DOCK3: variants seen among roughly 807,000 people sequenced by gnomAD.
DOCK3 encodes dedicator of cytokinesis protein 3.
A neutral mutation model predicts 265.6 loss-of-function variants in DOCK3; 60 were observed. The observed-to-expected ratio is 0.23, with a 90% confidence interval of 0.18 to 0.28. The LOEUF is 0.28. Ranked by LOEUF, DOCK3 falls within the 10% of genes least tolerant of loss-of-function variation. The pLI is 1.00. For missense variants in DOCK3, 1,981 were observed against 2,594.3 expected, an observed-to-expected ratio of 0.76 and a Z score of 5.14; for synonymous variants, 881 against 938.0, an observed-to-expected ratio of 0.94 and a Z score of 1.11.
At chr3:50,837,885 T>C (rs1303970101) in intron 2 of DOCK3, among the ~76,000 whole-genome samples, 2 of 152,106 alleles carry the variant, frequency 1.3e-5, no homozygotes, top group South Asian at 4.1e-4. Flanking sequence ...GAGACTATTA[T>C]GGCTGCAGTG....
At position 51,361,830 on chromosome 3, in the gene DOCK3, T is replaced by C. The variant is rs370185012; in HGVS notation, c.5007-29T>C. The C allele has an allele frequency of 2.5e-5, 40 of 1,607,284 alleles. No individual in the cohort carries two copies. In the African/African-American group the frequency reaches 3.6e-4, roughly 14 times the overall value. ...CCCTGCCACCTGCCATGGGCCTGAC[T>C]CCTCCCTATTTCCCACTCTTGCTCA... On this transcript the variant is annotated intron_variant, in intron 47 of 52. Coordinates refer to ENST00000266037, the MANE Select transcript of DOCK3 (RefSeq NM_004947.5). This position sits in a 1 kb window ranked among gnomAD's most constrained non-coding sequence, Gnocchi z 4.2.
At chr3:51,035,739 T>C (rs2080239969) in intron 5 of DOCK3, among the ~76,000 whole-genome samples, 1 of 152,202 alleles carries the variant, frequency 6.6e-6, no homozygotes, top group African/African-American at 2.4e-5. Context: ...TTAATTTGGC[T>C]AGACTGAAGC....
intron 12 of DOCK3, among the ~76,000 whole-genome samples, chr3:51,179,932 A>G (rs745856934): frequency 6.6e-6 from 1 of 151,822 alleles, no homozygotes; most frequent in Non-Finnish European, 1.5e-5. Flanking sequence ...GGGCCGGCGG[A>G]CGCGGTGTCT....
chr3:51,299,746 A>G (rs1231764606), intron 27 of DOCK3, among the ~76,000 whole-genome samples: 1 of 152,026 alleles, frequency 6.6e-6, no homozygotes, highest in African/African-American at 2.4e-5. Context: ...TATTTCTGAG[A>G]TCGCTATTCT....
At chr3:51,190,193 C>A (rs996394217) in intron 12 of DOCK3, among the ~76,000 whole-genome samples, 5 of 152,194 alleles carry the variant, frequency 3.3e-5, no homozygotes, top group African/African-American at 1.2e-4. Flanking sequence ...TGTACTCCCC[C>A]TTTCCATAAG....
intron 4 of DOCK3, among the ~76,000 whole-genome samples, chr3:50,931,172 T>C (rs925480503): frequency 2.6e-5 from 4 of 152,210 alleles, no homozygotes; most frequent in African/African-American, 9.7e-5. Context: ...ATCTTTAATA[T>C]GCCTTGCTCA....
At chr3:50,711,541 C>T (rs920776709) in intron 1 of DOCK3, among the ~76,000 whole-genome samples, 4 of 152,216 alleles carry the variant, frequency 2.6e-5, no homozygotes, top group Non-Finnish European at 4.4e-5. Context: ...GGATTACAGG[C>T]GTGAACCACC....
chr3:51,025,957 T>C (rs1285868347), intron 5 of DOCK3, among the ~76,000 whole-genome samples: 1 of 152,142 alleles, frequency 6.6e-6, no homozygotes, highest in Non-Finnish European at 1.5e-5. Flanking sequence ...GTTTTTCACC[T>C]GTCTCATGGA....
At chr3:51,036,438 G>A (rs1376017479) in intron 5 of DOCK3, among the ~76,000 whole-genome samples, 2 of 152,192 alleles carry the variant, frequency 1.3e-5, no homozygotes, top group African/African-American at 4.8e-5. Flanking sequence ...CTGACAGTCT[G>A]AGAGATGATT....
At chr3:51,248,139 T>A (rs2078926476) in intron 22 of DOCK3, among the ~76,000 whole-genome samples, 1 of 152,232 alleles carries the variant, frequency 6.6e-6, no homozygotes, top group African/African-American at 2.4e-5. Context: ...GGCTTCATAG[T>A]ACTTTCATTC....
chr3:51,005,985 C>T (rs1386225934), intron 5 of DOCK3, among the ~76,000 whole-genome samples: 1 of 152,150 alleles, frequency 6.6e-6, no homozygotes, highest in African/African-American at 2.4e-5. Flanking sequence ...GTATTTCCTG[C>T]TTTCTCTTCT....
chr3:51,148,569 A>G (rs1014488120), intron 10 of DOCK3, among the ~76,000 whole-genome samples: 2 of 152,230 alleles, frequency 1.3e-5, no homozygotes, highest in Admixed American at 6.5e-5. Flanking sequence ...ATGGCTAGCC[A>G]GTTTTCCCAG....
intron 9 of DOCK3, among the ~76,000 whole-genome samples, chr3:51,101,870 C>T (rs190317663): frequency 3.9e-4 from 59 of 152,302 alleles, no homozygotes; most frequent in African/African-American, 1.3e-3. Flanking sequence ...AGTCACTTCC[C>T]CTCTGATCCC....
intron 40 of DOCK3, among the ~76,000 whole-genome samples, chr3:51,353,305 C>G (rs1380031026): frequency 6.6e-6 from 1 of 152,178 alleles, no homozygotes; most frequent in Non-Finnish European, 1.5e-5. Context: ...CCCTTCCATT[C>G]TGATTCATCC....
chr3:50,981,966 C>T (rs963340794), intron 5 of DOCK3, among the ~76,000 whole-genome samples: 10 of 152,180 alleles, frequency 6.6e-5, no homozygotes, highest in Non-Finnish European at 7.3e-5. Context: ...TCTCCTGTCT[C>T]AGCTTCCCAG....
At chr3:51,325,141 A>G (rs2109855464) in intron 32 of DOCK3, among the ~76,000 whole-genome samples, 1 of 152,298 alleles carries the variant, frequency 6.6e-6, no homozygotes, top group African/African-American at 2.4e-5. Flanking sequence ...AACCTACAGA[A>G]TAGGAGAAAA....
intron 27 of DOCK3, among the ~76,000 whole-genome samples, chr3:51,281,280 T>A (rs1410974261): frequency 8.4e-6 from 1 of 118,540 alleles, no homozygotes; most frequent in Admixed American, 1.2e-4. Context: ...CTAAAATATA[T>A]ATATATATAT....
intron 3 of DOCK3, among the ~76,000 whole-genome samples, chr3:50,845,208 A>G (rs1482164724): frequency 6.6e-6 from 1 of 152,174 alleles, no homozygotes; most frequent in Non-Finnish European, 1.5e-5. Flanking sequence ...CTCTGTCTCA[A>G]AAAAAACCAA....
At chr3:51,128,058 A>G (rs903896063) in intron 9 of DOCK3, among the ~76,000 whole-genome samples, 1 of 152,218 alleles carries the variant, frequency 6.6e-6, no homozygotes, top group Non-Finnish European at 1.5e-5. Context: ...GGAGGATCCC[A>G]AAGTGTCCAG....
Sources: gnomAD v4.1 joint callset for allele counts (sites outside exome capture counted in the v4.1 genomes callset) on GRCh38, gnomAD v4.1.1 for gene constraint, Gnocchi (gnomAD v3.1) non-coding constraint, MANE v1.5 for transcripts, NCBI Gene and HGNC (gene_info 2026-07-23, HGNC 2026-07-21) for gene names.